Variants in ADA observed in about 807,000 individuals in gnomAD.
The protein encoded by ADA is adenosine deaminase.
In ADA, 45 loss-of-function variants were observed where a neutral mutation model predicts 49.0. That is an observed-to-expected ratio of 0.92 (90% CI 0.72 to 1.18). The LOEUF is 1.18. Ranked by LOEUF, ADA falls within the 50% of genes most tolerant of loss-of-function variation. The probability of loss-of-function intolerance (pLI) is 0.00; values close to 1 mark genes in which losing one functional copy is unlikely to be tolerated. For missense variants in ADA, 445 were observed against 472.5 expected, an observed-to-expected ratio of 0.94 and a Z score of 0.54; for synonymous variants, 173 against 184.2, an observed-to-expected ratio of 0.94 and a Z score of 0.49.
At chr20:44,631,711 G>A (rs1341718894) in intron 2 of ADA, among the ~76,000 whole-genome samples, 3 of 152,120 alleles carry the variant, frequency 2.0e-5, no homozygotes, top group African/African-American at 7.2e-5. Context: ...TACACACCTG[G>A]CCAGGCCAAC....
At chr20:44,639,887 A>G (rs1387397902) in intron 1 of ADA, among the ~76,000 whole-genome samples, 1 of 152,098 alleles carries the variant, frequency 6.6e-6, no homozygotes. Context: ...GGAGGTAAGG[A>G]AAAGGCCTAG....
At position 44,651,587 on chromosome 20, in the gene ADA, G is replaced by A. The variant is rs925528695; in HGVS notation, c.21C>T (p.Phe7=). The change falls in exon 1 of 12, where the codon TTC becomes TTT. Residue 7 remains phenylalanine, a synonymous_variant. Transcript: ENST00000372874. MAQTPA[F]DKPKVELHVH... Reference sequence around the variant, plus strand: ...CGCGCGCGCTCACTTTGGGCTTGTCGAAGGCGGGCGTCTGGGCCATGGTGC... The same window carrying A: ...CGCGCGCGCTCACTTTGGGCTTGTCAAAGGCGGGCGTCTGGGCCATGGTGC... 16 of 1,540,890 alleles carry A rather than the reference G, an allele frequency of 1.0e-5. No individual in the cohort carries two copies. The highest frequency in any genetic ancestry group is 1.4e-5 in the Non-Finnish European group (16 of 1,151,072).
chr20:44,635,637 G>C (rs1441391750), intron 2 of ADA, among the ~76,000 whole-genome samples: 3 of 152,178 alleles, frequency 2.0e-5, no homozygotes, highest in Non-Finnish European at 4.4e-5. Context: ...AGTGGCTCAT[G>C]CCTGTAATCC....
At chr20:44,621,491 C>T (rs2065331511) in intron 9 of ADA, among the ~76,000 whole-genome samples, 2 of 152,100 alleles carry the variant, frequency 1.3e-5, no homozygotes, top group Admixed American at 1.3e-4. Context: ...CAGCCTTCCC[C>T]TCTGCACCCT....
At chr20:44,631,353 G>C (rs544450011) in intron 2 of ADA, among the ~76,000 whole-genome samples, 2 of 152,222 alleles carry the variant, frequency 1.3e-5, no homozygotes, top group South Asian at 4.1e-4. Flanking sequence ...TTGGCACCTG[G>C]AGGTCGGAGC....
At chr20:44,628,904 G>C (rs1348387744) in intron 3 of ADA, 143 bp downstream of exon 3, 5 of 1,306,604 alleles carry the variant, frequency 3.8e-6, no homozygotes, top group Non-Finnish European at 5.5e-6. Context: ...GCACTGGAGA[G>C]ACTCACTAAG....
chr20:44,638,954 G>A (rs545745866), intron 1 of ADA, among the ~76,000 whole-genome samples: 6 of 152,148 alleles, frequency 3.9e-5, no homozygotes, highest in Admixed American at 6.5e-5. Flanking sequence ...CCCTATGGCA[G>A]GAGAAAACGG....
intron 2 of ADA, among the ~76,000 whole-genome samples, chr20:44,631,678 G>A (rs1415860010): frequency 2.6e-5 from 4 of 152,258 alleles, no homozygotes; most frequent in African/African-American, 2.4e-5. Flanking sequence ...CCCTCTGGTC[G>A]TTCTCTCTCA....
rs898728237 is a variant in ADA at position 44,627,564 on chromosome 20, G to C, written c.219-965C>G. On this transcript the variant is annotated intron_variant, in intron 3 of 11. Coordinates refer to ENST00000372874, the MANE Select transcript of ADA (RefSeq NM_000022.4). ...CAGGTCCTTATCACTACTCAACATT[G>C]TGTGTCATATGGCTTATCAGCCAGT... Among the ~76,000 whole-genome samples the C allele has an allele frequency of 2.0e-5, 3 of 152,260 alleles. No individual in the cohort carries two copies. The East Asian group carries it at 5.8e-4, about 29-fold the overall frequency.
At chr20:44,623,110 C>T (rs774527652) in intron 6 of ADA, 32 bp from the exon 7 acceptor site, 1 of 1,613,192 alleles carries the variant, frequency 6.2e-7, no homozygotes, top group Non-Finnish European at 8.5e-7. Flanking sequence ...CATGGGTGCC[C>T]TAGCGGGAGG....
intron 1 of ADA, among the ~76,000 whole-genome samples, chr20:44,646,745 C>A (rs2065596009): frequency 6.6e-6 from 1 of 152,034 alleles, no homozygotes; most frequent in Non-Finnish European, 1.5e-5. Flanking sequence ...AAGCCCAGGG[C>A]TAATGCACTG....
chr20:44,622,631 G>A lies in ADA; in HGVS notation c.802C>T (p.Leu268Phe). The change falls in exon 9 of 12, where the codon CTC becomes TTC. Residue 268 changes from leucine (L) to phenylalanine (F), a missense_variant. Physicochemically the swap from Leu to Phe is conservative, Grantham distance 22. Coordinates refer to ENST00000372874, the MANE Select transcript of ADA (RefSeq NM_000022.4). ...GTGTCCGGCTTCCAGGCACCAGTGA[G>A]GTAGCTGGACCAGGGGCAGATCTGG... ...HFEICPWSSY[L>F]TGAWKPDTEH... 6.2e-7 allele frequency: 1 copy of A among 1,614,242 alleles called. No individual in the cohort carries two copies. The highest frequency in any genetic ancestry group is 8.5e-7 in the Non-Finnish European group (1 of 1,180,046).
Position 44,626,592 on chromosome 20 carries a change from G to A in ADA, c.226C>T (p.Arg76Trp), listed in dbSNP as rs121908736. The change falls in exon 4 of 12, where the codon CGG becomes TGG. Residue 76 changes from arginine (R) to tryptophan (W), a missense_variant. Coordinates refer to ENST00000372874, the MANE Select transcript of ADA (RefSeq NM_000022.4). ...DYYMPAIAGCREAIKRIAYEF... is the reference protein window; with the variant it reads ...DYYMPAIAGCWEAIKRIAYEF... The stretch of plus-strand genomic sequence containing the variant: ...TAGGCGATCCTTTTGATAGCCTCCC[G>A]GCAGCCCCTGGGAAGGGAAGAAAGG... The A allele has an allele frequency of 1.9e-4, 304 of 1,613,988 alleles. 1 individual carries two copies. In the African/African-American group the frequency reaches 2.9e-3, roughly 16 times the overall value.
intron 3 of ADA, among the ~76,000 whole-genome samples, chr20:44,628,527 A>G (rs774221992): frequency 2.2e-5 from 2 of 92,716 alleles, no homozygotes; most frequent in South Asian, 3.6e-4. Flanking sequence ...CTCTGTCTCA[A>G]TAAATAAATA....
At position 44,636,122 on chromosome 20, in the gene ADA, G is replaced by C. The variant is rs924939366; in HGVS notation, c.95+105C>G. On this transcript the variant is annotated intron_variant, in intron 2 of 11. Coordinates refer to ENST00000372874, the MANE Select transcript of ADA (RefSeq NM_000022.4). The stretch of plus-strand genomic sequence containing the variant: ...CTGGAGCTGGCTTGATTCCCACAGG[G>C]AGACAGGAAGGAACAGTGACCCTGG... 8 of 1,087,666 alleles carry C rather than the reference G, an allele frequency of 7.4e-6. No individual in the cohort carries two copies. In the African/African-American group the frequency reaches 9.4e-5, roughly 13 times the overall value. 67.4% of individuals were successfully genotyped at this position (1,087,666 alleles called of 1,614,324 possible).
intron 1 of ADA, among the ~76,000 whole-genome samples, chr20:44,650,008 T>G (rs946680843): frequency 3.3e-5 from 5 of 152,230 alleles, no homozygotes; most frequent in African/African-American, 1.2e-4. Flanking sequence ...GTGCTGGGAT[T>G]ATAGGCGTGA....
chr20:44,636,948 G>A (rs1231370690), intron 1 of ADA, among the ~76,000 whole-genome samples: 1 of 152,080 alleles, frequency 6.6e-6, no homozygotes, highest in Non-Finnish European at 1.5e-5. Context: ...TGGGACTATA[G>A]GCAGGTGCCA....
Position 44,622,894 on chromosome 20 carries a change from C to T in ADA, c.715G>A (p.Gly239Ser), listed in dbSNP as rs777820729. 29 of 1,614,110 alleles carry T rather than the reference C, an allele frequency of 1.8e-5. No individual in the cohort carries two copies. In the East Asian group the frequency reaches 2.0e-4, roughly 11 times the overall value. Residue 239 changes from glycine to serine, a missense_variant, in exon 8 of 12, where the codon GGC becomes AGC. Coordinates refer to ENST00000372874, the MANE Select transcript of ADA (RefSeq NM_000022.4). ...GCCTGGTCTTCCAGGGTGTGGTAGC[C>T]GTGTCCCAGCCGCTCTGTCTTGAGT... is the stretch of plus-strand genomic sequence containing the variant. ...DILKTERLGH[G>S]YHTLEDQALY...
intron 1 of ADA, among the ~76,000 whole-genome samples, chr20:44,644,168 C>G (rs1390422358): frequency 1.8e-5 from 2 of 112,392 alleles, no homozygotes; most frequent in African/African-American, 4.0e-5. Context: ...TGGAGGTAGA[C>G]GCCCTGCTCG....
Sources: gnomAD v4.1 joint callset for allele counts (sites outside exome capture counted in the v4.1 genomes callset) on GRCh38, gnomAD v4.1.1 for gene constraint, MANE v1.5 for transcripts, NCBI Gene and HGNC (gene_info 2026-07-23, HGNC 2026-07-21) for gene names.